Variants in MED13L observed in about 807,000 individuals in gnomAD.
MED13L encodes the protein mediator complex subunit 13L.
In MED13L, 7 loss-of-function variants were observed where a neutral mutation model predicts 220.9. The observed-to-expected ratio is 0.03, with a 90% CI of 0.02 to 0.06. The LOEUF (loss-of-function observed/expected upper bound fraction) is 0.06, where lower values mean the gene tolerates loss of function less well. MED13L is among the 10% of genes least tolerant of loss of function. The pLI is 1.00. For synonymous variants in MED13L, 1,011 were observed against 1,015.2 expected, an observed-to-expected ratio of 1.00 and a Z score of 0.08; for missense variants, 1,965 against 2,760.5, an observed-to-expected ratio of 0.71 and a Z score of 6.46.
chr12:116,119,809 TAAAA>T (rs57622950), intron 2 of MED13L, among the ~76,000 whole-genome samples: 84 of 38,754 alleles, frequency 2.2e-3, no homozygotes, highest in African/African-American at 6.7e-3. Context: ...CCCATATCTT[TAAAA>T]AAAAAAAAAA....
intron 20 of MED13L, 32 bp from the exon 21 acceptor site, chr12:115,983,572 G>A: frequency 6.2e-7 from 1 of 1,610,856 alleles, no homozygotes; most frequent in Non-Finnish European, 8.5e-7. Context: ...GGTGACTTTA[G>A]TGATATTCTG....
chr12:115,961,866 G>A (rs1317694767), intron 30 of MED13L, among the ~76,000 whole-genome samples: 5 of 152,114 alleles, frequency 3.3e-5, no homozygotes, highest in Non-Finnish European at 7.4e-5. Context: ...AGCTACTTGG[G>A]AGGCTGAGGC....
At chr12:116,228,883 C>T (rs767537701) in intron 2 of MED13L, among the ~76,000 whole-genome samples, 5 of 152,034 alleles carry the variant, frequency 3.3e-5, no homozygotes, top group African/African-American at 1.2e-4. Context: ...TTTTGCTAAG[C>T]AAACAAAAAA....
intron 1 of MED13L, among the ~76,000 whole-genome samples, chr12:116,272,011 AATCTAC>A (rs1873405193): frequency 1.3e-5 from 2 of 152,220 alleles, no homozygotes; most frequent in African/African-American, 4.8e-5. Flanking sequence ...TTTCAAAAAA[AATCTAC>A]TCTATCTTTG....
chr12:116,075,613 C>T (rs936769653), intron 4 of MED13L, among the ~76,000 whole-genome samples: 2 of 152,206 alleles, frequency 1.3e-5, no homozygotes, highest in African/African-American at 2.4e-5. Flanking sequence ...TTCCTTCCAA[C>T]TTGAAGCTGT....
chr12:116,136,772 T>C (rs1314005138), intron 2 of MED13L, among the ~76,000 whole-genome samples: 2 of 152,216 alleles, frequency 1.3e-5, no homozygotes, highest in Admixed American at 6.5e-5. Flanking sequence ...TTTATAATCA[T>C]ATAGTAGCTA....
intron 2 of MED13L, among the ~76,000 whole-genome samples, chr12:116,198,348 T>TAAA (rs200049304): frequency 1.3e-5 from 2 of 152,098 alleles, no homozygotes; most frequent in African/African-American, 4.8e-5. Flanking sequence ...TCACATACTT[T>TAAA]AAAAAAAATT....
At chr12:116,119,084 G>C (rs984203923) in intron 2 of MED13L, among the ~76,000 whole-genome samples, 2 of 152,168 alleles carry the variant, frequency 1.3e-5, no homozygotes, top group African/African-American at 2.4e-5. Context: ...CTGTCACTCA[G>C]TGTCGGGCTT....
chr12:116,044,797 A>G (rs1881735699), intron 4 of MED13L, among the ~76,000 whole-genome samples: 1 of 152,214 alleles, frequency 6.6e-6, no homozygotes, highest in Admixed American at 6.5e-5. Flanking sequence ...CCACTAATCA[A>G]GATTAAACAA....
At chr12:116,102,854 C>T (rs61939694) in intron 3 of MED13L, among the ~76,000 whole-genome samples, 36,709 of 150,326 alleles carry the variant, frequency 0.24, 4,599 homozygotes, top group Middle Eastern at 0.31. Context: ...CCTGAGTAGC[C>T]GGGATTACAG....
At chr12:116,114,342 G>T (rs1023037409) in intron 2 of MED13L, among the ~76,000 whole-genome samples, 4 of 152,180 alleles carry the variant, frequency 2.6e-5, no homozygotes, top group African/African-American at 7.2e-5. Context: ...CTCCAGGCAT[G>T]CGCTGTGGAA....
intron 9 of MED13L, among the ~76,000 whole-genome samples, chr12:116,012,452 C>G (rs1402691109): frequency 6.6e-6 from 1 of 152,168 alleles, no homozygotes; most frequent in Non-Finnish European, 1.5e-5. Flanking sequence ...TCTATTGACT[C>G]AAGCCCATCT....
intron 16 of MED13L, 37 bp downstream of exon 16, chr12:115,996,439 A>T (rs749236087): frequency 6.3e-7 from 1 of 1,591,350 alleles, no homozygotes; most frequent in Non-Finnish European, 8.6e-7. Context: ...AAATTGCATC[A>T]AATATGGCAA....
In MED13L at chr12:116,217,581, C is replaced by A. The variant is rs545492471; in HGVS notation, c.310+19887G>T. Among the ~76,000 whole-genome samples, 17 of 152,276 alleles carry A rather than the reference C, an allele frequency of 1.1e-4. No individual in the cohort carries two copies. The South Asian group carries it at 3.1e-3, about 28-fold the overall frequency. ...GAGAAACAAACTGCTGATGTTACAG[C>A]AGGAACAAGAACTTTGAAGAGGCAA... On this transcript the variant is annotated intron_variant, in intron 2 of 30. Transcript: ENST00000281928.
intron 12 of MED13L, 114 bp from the exon 13 acceptor site, chr12:116,006,107 T>G (rs1000232032): frequency 6.8e-7 from 1 of 1,473,084 alleles, no homozygotes; most frequent in African/African-American, 1.4e-5. Context: ...TTCCCTATGG[T>G]TTTAGTTAAA....
chr12:116,128,456 A>C (rs1875788095), intron 2 of MED13L, among the ~76,000 whole-genome samples: 1 of 152,006 alleles, frequency 6.6e-6, no homozygotes, highest in Non-Finnish European at 1.5e-5. Flanking sequence ...AAAAAAAAAA[A>C]CAAGAAAATA....
chr12:115,994,464 AAAAAACAAAAAC>A lies in MED13L; in HGVS notation c.2996+2000_2996+2011del, dbSNP rs534564932. 5.3e-4 allele frequency among the ~76,000 whole-genome samples: 81 copies of A among 152,172 alleles called. 1 individual carries two copies. In the East Asian group the frequency reaches 0.014, roughly 27 times the overall value. On this transcript the variant is annotated intron_variant, in intron 16 of 30. Coordinates refer to ENST00000281928, the MANE Select transcript of MED13L (RefSeq NM_015335.5). ...GACCCTGTCTCCAAAAAACCCCCCC[AAAAAACAAAAAC>A]AAAAACAAAAACAAAACCTTCATCA...
At chr12:116,219,585 C>A in intron 2 of MED13L, among the ~76,000 whole-genome samples, 1 of 152,070 alleles carries the variant, frequency 6.6e-6, no homozygotes, top group East Asian at 1.9e-4. Context: ...CCTGGATCAC[C>A]ATCAAACCTA....
At chr12:116,150,000 T>A (rs1287366431) in intron 2 of MED13L, among the ~76,000 whole-genome samples, 1 of 152,232 alleles carries the variant, frequency 6.6e-6, no homozygotes, top group African/African-American at 2.4e-5. Context: ...TTTTAATGAA[T>A]GAATAAATTC....
Sources: allele counts gnomAD v4.1 joint callset (sites outside exome capture counted in the v4.1 genomes callset), GRCh38; gene constraint gnomAD v4.1.1; transcripts MANE v1.5; gene names NCBI Gene and HGNC (gene_info 2026-07-23, HGNC 2026-07-21).